The following PCDHA1 variants were observed in gnomAD, a reference collection of about 807,000 sequenced individuals.
The protein encoded by PCDHA1 is protocadherin alpha 1, also known as protocadherin alpha-1.
A neutral mutation model predicts 61.3 loss-of-function variants in PCDHA1; 42 were observed. The ratio of observed to expected loss-of-function variants is 0.69; its 90% CI spans 0.54 to 0.89. PCDHA1 has a LOEUF of 0.89. PCDHA1 is among the 40% of genes least tolerant of loss of function. The pLI is 0.00. For missense variants in PCDHA1, 1,256 were observed against 1,235.3 expected (o/e 1.02, Z -0.25); for synonymous variants, 610 against 553.8 (o/e 1.10, Z -1.43).
intron 3 of PCDHA1, 32 bp from the exon 4 acceptor site, chr5:141,009,595 C>A (rs781807814): frequency 6.2e-7 from 1 of 1,604,124 alleles, no homozygotes; most frequent in African/African-American, 1.3e-5. Context: ...TGTGTTGACC[C>A]TGTTAATGAT....
chr5:140,987,244 A>T (rs1184597193), intron 3 of PCDHA1, among the ~76,000 whole-genome samples: 1 of 152,018 alleles, frequency 6.6e-6, no homozygotes, highest in Non-Finnish European at 1.5e-5. Context: ...ATAAAGAAAG[A>T]AAGACATTCT....
intron 1 of PCDHA1, chr5:140,829,495 C>A: frequency 6.2e-7 from 1 of 1,613,650 alleles, no homozygotes; most frequent in Non-Finnish European, 8.5e-7. Flanking sequence ...AGGAGAACAA[C>A]CCGCCGGGCT....
chr5:140,898,148 A>C lies in PCDHA1; in HGVS notation c.2395-80801A>C, dbSNP rs532668918. On this transcript the variant is annotated intron_variant, in intron 1 of 3. Coordinates refer to ENST00000504120, the MANE Select transcript of PCDHA1 (RefSeq NM_018900.4). ...CTCCCATTTTGTAGGTTGCCTGTTC[A>C]CGCTGATGGTGGTTTCTTTTGCTGT... Among the ~76,000 whole-genome samples, 1,044 of 152,230 alleles carry C rather than the reference A, an allele frequency of 6.9e-3. 8 individuals are homozygous for C. The highest frequency in any genetic ancestry group is 0.024 in the African/African-American group (1,010 of 41,492).
intron 3 of PCDHA1, among the ~76,000 whole-genome samples, chr5:140,991,573 G>C (rs1406319253): frequency 2.0e-5 from 3 of 152,036 alleles, no homozygotes; most frequent in Non-Finnish European, 4.4e-5. Context: ...CCAATAACAG[G>C]CTCCTTATTT....
At chr5:140,875,262 C>T (rs2055382922) in intron 1 of PCDHA1, 1 of 1,157,372 alleles carries the variant, frequency 8.6e-7, no homozygotes, top group Admixed American at 3.0e-5. Flanking sequence ...CATGATGTCG[C>T]TCTACACTCA....
At chr5:140,828,421 G>A (rs2150155146) in intron 1 of PCDHA1, 29 of 1,614,142 alleles carry the variant, frequency 1.8e-5, no homozygotes, top group East Asian at 1.1e-4. Context: ...AGGTGATCGT[G>A]GACAGGCCGC....
At chr5:140,932,709 A>G (rs2088560759) in intron 1 of PCDHA1, among the ~76,000 whole-genome samples, 1 of 151,956 alleles carries the variant, frequency 6.6e-6, no homozygotes, top group African/African-American at 2.4e-5. Context: ...TATAGACAAC[A>G]CAATAATATT....
At position 140,843,480 on chromosome 5, in the gene PCDHA1, C is replaced by A. The variant is rs2150360983; in HGVS notation, c.2394+54796C>A. 13 of 1,596,024 alleles carry A rather than the reference C, an allele frequency of 8.1e-6. 2 individuals carry two copies. The highest frequency in any genetic ancestry group is 1.1e-5 in the South Asian group (1 of 90,492). On this transcript the variant is annotated intron_variant, in intron 1 of 3. Coordinates refer to ENST00000504120, the MANE Select transcript of PCDHA1 (RefSeq NM_018900.4). Reference sequence around the variant, plus strand: ...GTGCTCACGCTGCTGCTGTACACTGCGCTGCGGTGCTCAGCACTGCCCACT... The same window carrying A: ...GTGCTCACGCTGCTGCTGTACACTGAGCTGCGGTGCTCAGCACTGCCCACT...
chr5:140,876,992 A>T (rs1222630901), intron 1 of PCDHA1: 1 of 1,612,438 alleles, frequency 6.2e-7, no homozygotes, highest in Non-Finnish European at 8.5e-7. Flanking sequence ...CTGTCGAGCT[A>T]CGTGTCGGTG....
At chr5:140,876,360 T>C in intron 1 of PCDHA1, 1 of 1,613,962 alleles carries the variant, frequency 6.2e-7, no homozygotes, top group Non-Finnish European at 8.5e-7. Context: ...TTTCAATAAA[T>C]CCAGACACAG....
intron 1 of PCDHA1, among the ~76,000 whole-genome samples, chr5:140,925,132 T>G (rs2082347636): frequency 6.6e-6 from 1 of 151,168 alleles, no homozygotes; most frequent in Non-Finnish European, 1.5e-5. Context: ...GAAAAAAAAT[T>G]TCAAACATAC....
At chr5:140,897,100 A>G (rs10054072) in intron 1 of PCDHA1, among the ~76,000 whole-genome samples, 2,117 of 151,950 alleles carry the variant, frequency 0.014, 42 homozygotes, top group African/African-American at 0.049. Context: ...CTCATTAAAA[A>G]TCTCCACTTT....
intron 1 of PCDHA1, among the ~76,000 whole-genome samples, chr5:140,897,896 T>C (rs1377037458): frequency 6.6e-6 from 1 of 152,204 alleles, no homozygotes; most frequent in Non-Finnish European, 1.5e-5. Context: ...TGGTGTGAGA[T>C]GGTATCTCAT....
intron 1 of PCDHA1, among the ~76,000 whole-genome samples, chr5:140,911,178 G>A (rs1227283843): frequency 1.3e-5 from 2 of 152,196 alleles, no homozygotes; most frequent in Non-Finnish European, 2.9e-5. Flanking sequence ...TGATGGCAGT[G>A]TGGGTTGGGG....
chr5:140,961,632 A>T (rs373824042), intron 1 of PCDHA1, among the ~76,000 whole-genome samples: 2 of 152,214 alleles, frequency 1.3e-5, no homozygotes, highest in African/African-American at 4.8e-5. Context: ...ATGAAAAACA[A>T]TCTTAAGTCT....
chr5:140,933,780 T>G (rs1404194841), intron 1 of PCDHA1, among the ~76,000 whole-genome samples: 2 of 152,124 alleles, frequency 1.3e-5, no homozygotes, highest in Non-Finnish European at 2.9e-5. Flanking sequence ...TACAGTTTTC[T>G]TTGTAGGAAA....
intron 1 of PCDHA1, chr5:140,884,562 A>C (rs782650365): frequency 6.2e-7 from 1 of 1,614,166 alleles, no homozygotes; most frequent in Non-Finnish European, 8.5e-7. Flanking sequence ...GAGGGCCCGC[A>C]TAAGACGGAC....
intron 1 of PCDHA1, among the ~76,000 whole-genome samples, chr5:140,903,428 T>C (rs954463543): frequency 2.0e-5 from 3 of 152,210 alleles, no homozygotes; most frequent in Non-Finnish European, 4.4e-5. Flanking sequence ...CAGCACAATA[T>C]GTATCAGTGG....
chr5:140,993,509 C>CAT (rs1488940144), intron 3 of PCDHA1, among the ~76,000 whole-genome samples: 3 of 143,600 alleles, frequency 2.1e-5, no homozygotes, highest in African/African-American at 7.8e-5. Flanking sequence ...CACACACACA[C>CAT]GGGGAGAGAG....
Sources: allele counts gnomAD v4.1 joint callset (sites outside exome capture counted in the v4.1 genomes callset), GRCh38; gene constraint gnomAD v4.1.1; transcripts MANE v1.5; gene names NCBI Gene and HGNC (gene_info 2026-07-23, HGNC 2026-07-21).